PGK1: variants seen among roughly 807,000 people sequenced by gnomAD.
PGK1 encodes the protein phosphoglycerate kinase 1, also known as PRP 2.
PGK1 carries 3 observed loss-of-function variants against 26.9 expected under a neutral mutation model. That is an observed-to-expected ratio of 0.11 (90% CI 0.05 to 0.29). The LOEUF is 0.29. PGK1 is among the 10% of genes least tolerant of loss of function. The pLI is 1.00. For synonymous variants in PGK1, 125 were observed against 115.3 expected, an observed-to-expected ratio of 1.08 and a Z score of -0.54; for missense variants, 270 against 314.7, an observed-to-expected ratio of 0.86 and a Z score of 1.07.
Position 78,118,134 on chromosome X carries a change from A to G in PGK1, c.605A>G (p.Glu202Gly). ...KELNYFAKAL[E>G]SPERPFLAIL... ...CTGAACTACTTTGCAAAGGCCTTGG[A>G]GAGCCCAGAGCGACCCTTCCTGGCC... Residue 202 changes from glutamate (E) to glycine (G), a missense_variant, in exon 6 of 11, where the codon GAG (glutamate) becomes GGG (glycine). Around this residue, in one of 3 missense-constraint regions of PGK1, gnomAD observed 150 missense variants for 154.6 expected, o/e 0.97. Transcript: ENST00000373316. The G allele has an allele frequency of 8.3e-7, 1 of 1,210,037 alleles. No individual in the cohort carries two copies. The highest frequency in any genetic ancestry group is 3.0e-5 in the East Asian group (1 of 33,865).
chrX:78,119,117 C>T (rs1281710480), intron 6 of PGK1, among the ~76,000 whole-genome samples: 2 of 111,099 alleles, frequency 1.8e-5, no homozygotes, highest in Non-Finnish European at 3.8e-5. Context: ...CAGGGTATAA[C>T]CATATAATCT....
At chrX:78,113,494 G>C (rs887589741) in intron 2 of PGK1, among the ~76,000 whole-genome samples, 1 of 111,352 alleles carries the variant, frequency 9.0e-6, no homozygotes, top group Non-Finnish European at 1.9e-5. Context: ...TCTGTAGATA[G>C]TAGCCTCAGG....
At chrX:78,125,648 C>A in intron 10 of PGK1, 142 bp from the exon 11 acceptor site, 1 of 617,142 alleles carries the variant, frequency 1.6e-6, no homozygotes, top group Non-Finnish European at 2.8e-6. Flanking sequence ...GACCTGGAAT[C>A]CACAATGTAA....
At chrX:78,122,976 G>T (rs1281467453) in intron 7 of PGK1, 27 bp downstream of exon 7, 2 of 871,478 alleles carry the variant, frequency 2.3e-6, no homozygotes, top group Admixed American at 4.4e-5. Context: ...AAGTGGATGT[G>T]AAATAGCTCT....
chrX:78,127,821 C>A lies in PGK1; in HGVS notation c.*1991C>A, dbSNP rs1390365269. ...ATTTGTAGTTAATTTTAAATTGTAC[C>A]ATGTTTCTGCATACCTCTATGGGTA... On this transcript the variant is annotated 3_prime_UTR_variant, in exon 11 of 11. Coordinates refer to ENST00000373316, the MANE Select transcript of PGK1 (RefSeq NM_000291.4). 8.9e-6 allele frequency: 1 copy of A among 112,013 alleles called. No homozygotes were observed. Among genetic ancestry groups the A allele is most frequent in the Non-Finnish European group, 1.9e-5 (1 of 53,158 alleles). The allele number at this position is 112,013 out of a possible 1,213,427, so 9.2% of individuals were successfully genotyped here.
intron 2 of PGK1, among the ~76,000 whole-genome samples, chrX:78,112,986 T>C (rs1282607327): frequency 8.9e-6 from 1 of 112,306 alleles, no homozygotes; most frequent in Non-Finnish European, 1.9e-5. Flanking sequence ...ATAGGGATCC[T>C]CTGCCTAGCA....
At chrX:78,117,683 C>T in intron 5 of PGK1, among the ~76,000 whole-genome samples, 1 of 112,382 alleles carries the variant, frequency 8.9e-6, no homozygotes, top group Non-Finnish European at 1.9e-5. Flanking sequence ...CAGAGTTATC[C>T]TTTTATGAAC....
At chrX:78,110,757 G>A (rs1349924647) in intron 2 of PGK1, among the ~76,000 whole-genome samples, 1 of 110,292 alleles carries the variant, frequency 9.1e-6, no homozygotes, top group African/African-American at 3.3e-5. Context: ...GCTCAGATAA[G>A]TCAATTTTTG....
chrX:78,120,620 T>C (rs1387152843), intron 6 of PGK1, among the ~76,000 whole-genome samples: 1 of 109,789 alleles, frequency 9.1e-6, no homozygotes, highest in Non-Finnish European at 1.9e-5. Flanking sequence ...TCAGCCTCCC[T>C]AGTACCTGGG....
At chrX:78,124,415 A>G (rs2078372117) in intron 8 of PGK1, among the ~76,000 whole-genome samples, 1 of 111,244 alleles carries the variant, frequency 9.0e-6, no homozygotes, top group Non-Finnish European at 1.9e-5. Flanking sequence ...TTTGAGTACT[A>G]CTGATCTAGT....
At chrX:78,105,004 C>T (rs2078263842) in intron 1 of PGK1, among the ~76,000 whole-genome samples, 1 of 112,392 alleles carries the variant, frequency 8.9e-6, no homozygotes, top group African/African-American at 3.2e-5. Context: ...CGTCTGCTGC[C>T]CTGCAGCGCG....
At chrX:78,123,593 A>T (rs1176132732) in intron 8 of PGK1, among the ~76,000 whole-genome samples, 1 of 110,079 alleles carries the variant, frequency 9.1e-6, no homozygotes, top group Admixed American at 9.6e-5. Flanking sequence ...AATGTGTTGC[A>T]AAACTTTGTT....
intron 2 of PGK1, among the ~76,000 whole-genome samples, chrX:78,111,885 A>C (rs2078303243): frequency 8.9e-6 from 1 of 112,689 alleles, no homozygotes. Context: ...ATGAAGCATT[A>C]GAAATAATAA....
In PGK1 at chrX:78,126,068, T is replaced by C; in HGVS notation, c.*238T>C. The C allele has an allele frequency of 4.7e-6, 2 of 425,849 alleles. No homozygotes were observed. The highest frequency in any genetic ancestry group is 8.2e-6 in the Non-Finnish European group (2 of 242,843). 35.1% of individuals were successfully genotyped at this position (425,849 alleles called of 1,213,427 possible). On this transcript the variant is annotated 3_prime_UTR_variant, in exon 11 of 11. Transcript: ENST00000373316. ...TTTTTAGTGACTAAACCATTGTGCA[T>C]TCTAGAGTGCATATATTTATATTTT...
At chrX:78,114,311 T>C (rs1413582225) in intron 4 of PGK1, 151 bp downstream of exon 4, 1 of 587,610 alleles carries the variant, frequency 1.7e-6, no homozygotes, top group Non-Finnish European at 2.9e-6. Flanking sequence ...TATCTCAAAG[T>C]AAACACACTT....
intron 1 of PGK1, among the ~76,000 whole-genome samples, chrX:78,109,013 A>G (rs2078286260): frequency 8.9e-6 from 1 of 112,276 alleles, no homozygotes; most frequent in African/African-American, 3.2e-5. Flanking sequence ...GCCATACATT[A>G]TTGTTTTCAT....
chrX:78,124,866 C>T lies in PGK1; in HGVS notation c.937-8C>T, dbSNP rs367749559. 4.0e-5 allele frequency: 48 copies of T among 1,200,789 alleles called. No homozygotes were observed. The highest frequency in any genetic ancestry group is 5.2e-5 in the Non-Finnish European group (46 of 888,473). On this transcript the variant is annotated splice_region_variant and splice_polypyrimidine_tract_variant and intron_variant, in intron 8 of 10. Coordinates refer to ENST00000373316, the MANE Select transcript of PGK1 (RefSeq NM_000291.4). The stretch of plus-strand genomic sequence containing the variant: ...TAGCTCATCTTCTCTTTCACCTCTA[C>T]CCCTCAGGGCTTGGACTGTGGTCCT...
intron 4 of PGK1, among the ~76,000 whole-genome samples, chrX:78,116,452 G>T (rs1468748575): frequency 8.9e-6 from 1 of 112,236 alleles, no homozygotes; most frequent in South Asian, 3.6e-4. Flanking sequence ...TTTTATGGCA[G>T]TCCCCTTCAC....
Position 78,127,600 on chromosome X carries a change from G to A in PGK1, c.*1770G>A, listed in dbSNP as rs1201357265. 8.9e-6 allele frequency: 1 copy of A among 111,816 alleles called. No individual in the cohort carries two copies. The highest frequency in any genetic ancestry group is 3.3e-5 in the African/African-American group (1 of 30,721). The allele number at this position is 111,816 out of a possible 1,213,427, so 9.2% of individuals were successfully genotyped here. A position where few individuals can be genotyped will look rare whatever the true frequency, so the allele number is the denominator to read the frequency against. ...TTCCAGTGGCTGATGCTTTTCCAAT[G>A]TGCCTCCGTCCCTGACATGATGCTT... On this transcript the variant is annotated 3_prime_UTR_variant, in exon 11 of 11. Coordinates refer to ENST00000373316, the MANE Select transcript of PGK1 (RefSeq NM_000291.4).
Sources: allele counts gnomAD v4.1 joint callset (sites outside exome capture counted in the v4.1 genomes callset), GRCh38; gene constraint gnomAD v4.1.1; regional missense constraint gnomAD v4.1.1; transcripts MANE v1.5; gene names NCBI Gene and HGNC (gene_info 2026-07-23, HGNC 2026-07-21).